Variants in AGBL1 observed in about 807,000 individuals in gnomAD.
AGBL1 encodes cytosolic carboxypeptidase 4.
Under a neutral mutation model 118.9 loss-of-function variants are expected in AGBL1, and 130 were observed. The observed-to-expected ratio is 1.09, with a 90% CI of 0.95 to 1.26. The LOEUF (loss-of-function observed/expected upper bound fraction) is 1.26, where lower values mean the gene tolerates loss of function less well. Ranked by LOEUF, AGBL1 falls within the 50% of genes most tolerant of loss-of-function variation. AGBL1 has a pLI of 0.00. For missense variants in AGBL1, 1,584 were observed against 1,298.1 expected (o/e 1.22, Z -3.38); for synonymous variants, 555 against 478.9 (o/e 1.16, Z -2.08).
chr15:86,717,187 G>C (rs1285247408), intron 22 of AGBL1, among the ~76,000 whole-genome samples: 1 of 152,210 alleles, frequency 6.6e-6, no homozygotes, highest in Non-Finnish European at 1.5e-5. Flanking sequence ...GAGAATTTGA[G>C]ATGAAATGTG....
At chr15:86,119,567 A>G (rs887007188) in intron 1 of AGBL1, among the ~76,000 whole-genome samples, 3 of 152,162 alleles carry the variant, frequency 2.0e-5, no homozygotes, top group South Asian at 2.1e-4. Flanking sequence ...AACTGGGGCC[A>G]GTGGGGAGGT....
chr15:86,841,396 G>C (rs865776803), intron 22 of AGBL1, among the ~76,000 whole-genome samples: 2 of 152,234 alleles, frequency 1.3e-5, no homozygotes, highest in African/African-American at 4.8e-5. Flanking sequence ...ATAGACACAT[G>C]CCAAATACAG....
intron 18 of AGBL1, among the ~76,000 whole-genome samples, chr15:86,449,010 G>T (rs2082160950): frequency 6.6e-6 from 1 of 152,160 alleles, no homozygotes; most frequent in African/African-American, 2.4e-5. Flanking sequence ...GGCTACAGGT[G>T]CAGCTTTTTG....
chr15:86,149,696 T>C (rs1348108690), intron 3 of AGBL1, among the ~76,000 whole-genome samples: 1 of 152,092 alleles, frequency 6.6e-6, no homozygotes, highest in East Asian at 1.9e-4. Context: ...TAACACCCCA[T>C]TGTCAATATT....
chr15:86,944,038 G>C (rs2080786907), intron 23 of AGBL1, among the ~76,000 whole-genome samples: 1 of 152,082 alleles, frequency 6.6e-6, no homozygotes, highest in Non-Finnish European at 1.5e-5. Context: ...AAGATAAAAT[G>C]AAATCTAAGA....
intron 22 of AGBL1, among the ~76,000 whole-genome samples, chr15:86,849,261 T>C (rs2079364523): frequency 6.6e-6 from 1 of 152,234 alleles, no homozygotes. Context: ...CTGCTTTGCC[T>C]CAGCAAATTG....
intron 17 of AGBL1, among the ~76,000 whole-genome samples, chr15:86,373,304 C>A (rs909840363): frequency 6.6e-6 from 1 of 152,142 alleles, no homozygotes; most frequent in Admixed American, 6.5e-5. Flanking sequence ...CGGAAGAAGT[C>A]TTGGCACCCT....
chr15:86,853,653 A>G (rs1267223354), intron 22 of AGBL1, among the ~76,000 whole-genome samples: 1 of 152,206 alleles, frequency 6.6e-6, no homozygotes, highest in East Asian at 1.9e-4. Context: ...ACATACCGTA[A>G]CACTCAACTT....
intron 23 of AGBL1, among the ~76,000 whole-genome samples, chr15:86,938,330 G>C (rs978619358): frequency 3.3e-5 from 5 of 152,148 alleles, no homozygotes; most frequent in Non-Finnish European, 5.9e-5. Flanking sequence ...ATGATGGCTT[G>C]AGTGTCAGTA....
At chr15:86,098,716 C>A (rs1896532940) in intron 1 of AGBL1, among the ~76,000 whole-genome samples, 1 of 152,102 alleles carries the variant, frequency 6.6e-6, no homozygotes, top group Non-Finnish European at 1.5e-5. Flanking sequence ...GTTGCTGTAA[C>A]CTTGTAATAT....
At chr15:86,977,203 T>G (rs1269062724) in intron 23 of AGBL1, among the ~76,000 whole-genome samples, 1 of 151,964 alleles carries the variant, frequency 6.6e-6, no homozygotes, top group Non-Finnish European at 1.5e-5. Flanking sequence ...CAAATATCAC[T>G]TATATAAAAA....
chr15:86,688,158 A>C (rs1367285055), intron 22 of AGBL1, among the ~76,000 whole-genome samples: 2 of 152,120 alleles, frequency 1.3e-5, no homozygotes, highest in Non-Finnish European at 2.9e-5. Flanking sequence ...GGGAAGGCAC[A>C]TTGCTTGGTG....
intron 5 of AGBL1, among the ~76,000 whole-genome samples, chr15:86,188,494 A>AT (rs1375145461): frequency 6.6e-6 from 1 of 152,210 alleles, no homozygotes; most frequent in Non-Finnish European, 1.5e-5. Flanking sequence ...ACTAATATAG[A>AT]TTTTAACAAA....
chr15:86,988,211 A>C, intron 24 of AGBL1: 1 of 1,208,478 alleles, frequency 8.3e-7, no homozygotes, highest in Non-Finnish European at 1.2e-6. Flanking sequence ...AACAACAAAA[A>C]AACAACATAC....
At chr15:86,378,703 C>A in intron 17 of AGBL1, among the ~76,000 whole-genome samples, 1 of 151,590 alleles carries the variant, frequency 6.6e-6, no homozygotes, top group East Asian at 1.9e-4. Context: ...TATTATTATA[C>A]CCATTTCACA....
intron 21 of AGBL1, among the ~76,000 whole-genome samples, chr15:86,590,232 A>G (rs1348822731): frequency 6.6e-6 from 1 of 152,150 alleles, no homozygotes; most frequent in Non-Finnish European, 1.5e-5. Flanking sequence ...GATATGGTTT[A>G]TCTGTGTCCC....
intron 4 of AGBL1, among the ~76,000 whole-genome samples, chr15:86,157,085 T>C (rs28492924): frequency 0.45 from 69,043 of 151,908 alleles, 16,163 homozygotes; most frequent in African/African-American, 0.57. Context: ...CCACTGTGCC[T>C]GGCCACAATA....
At chr15:86,919,881 A>G (rs1178599559), downstream of AGBL1, among the ~76,000 whole-genome samples, 1 of 152,194 alleles carries the variant, frequency 6.6e-6, no homozygotes, top group Non-Finnish European at 1.5e-5. Flanking sequence ...GAAATGGGAC[A>G]AGGGAGAAGG....
chr15:86,970,285 G>A (rs1484187159), intron 23 of AGBL1, among the ~76,000 whole-genome samples: 1 of 151,854 alleles, frequency 6.6e-6, no homozygotes. Context: ...AATAATAGTA[G>A]CAAATACTTA....
Sources: allele counts gnomAD v4.1 joint callset (sites outside exome capture counted in the v4.1 genomes callset), GRCh38; gene constraint gnomAD v4.1.1; transcripts MANE v1.5; gene names NCBI Gene and HGNC (gene_info 2026-07-23, HGNC 2026-07-21).